Variants in ACADL observed in about 807,000 individuals in gnomAD.
ACADL encodes the protein long-chain specific acyl-CoA dehydrogenase, mitochondrial.
In ACADL, 60 loss-of-function variants were observed where a neutral mutation model predicts 56.9. The observed-to-expected ratio is 1.05, with a 90% CI of 0.86 to 1.31. The LOEUF (loss-of-function observed/expected upper bound fraction) is 1.31, where lower values mean the gene tolerates loss of function less well. ACADL is among the 50% of genes most tolerant of loss of function. The pLI is 0.00. For synonymous variants in ACADL, 158 were observed against 179.7 expected (o/e 0.88, Z 0.97); for missense variants, 484 against 525.5 (o/e 0.92, Z 0.77).
intron 3 of ACADL, chr2:210,217,557 G>T (rs1689106910): frequency 6.3e-6 from 1 of 159,598 alleles, no homozygotes; most frequent in Admixed American, 6.3e-5. Context: ...CTTTTTTGAT[G>T]AATTATTGCT....
intron 10 of ACADL, among the ~76,000 whole-genome samples, chr2:210,190,921 T>TG (rs1239136622): frequency 5.1e-5 from 3 of 59,284 alleles, no homozygotes; most frequent in Non-Finnish European, 1.0e-4. Context: ...TTGTTGTTGT[T>TG]TGTTTTTTTT....
Position 210,210,182 on chromosome 2 carries a change from C to A in ACADL, c.603+14G>T. 6.2e-7 allele frequency: 1 copy of A among 1,600,034 alleles called. No individual in the cohort carries two copies. The highest frequency in any genetic ancestry group is 1.1e-5 in the South Asian group (1 of 90,802). On this transcript the variant is annotated intron_variant, in intron 5 of 10. Transcript: ENST00000233710. ...CTCTGAAAAGAAGGGCTATAGAAGTCCTTTTTTACACACCTTGCTTCCATT... is the reference window on the plus strand; with the variant it reads ...CTCTGAAAAGAAGGGCTATAGAAGTACTTTTTTACACACCTTGCTTCCATT...
At chr2:210,213,383 C>T (rs1250783233) in intron 4 of ACADL, among the ~76,000 whole-genome samples, 1 of 151,964 alleles carries the variant, frequency 6.6e-6, no homozygotes, top group Non-Finnish European at 1.5e-5. Flanking sequence ...GCCTGTAATC[C>T]CAGTTACTTG....
intron 10 of ACADL, 55 bp from the exon 11 acceptor site, chr2:210,189,109 T>G: frequency 7.5e-7 from 1 of 1,337,826 alleles, no homozygotes; most frequent in East Asian, 2.3e-5. Context: ...AACTGTAAAT[T>G]TTGTCTTACC....
intron 5 of ACADL, 111 bp from the exon 6 acceptor site, chr2:210,205,907 G>T: frequency 7.9e-7 from 1 of 1,261,696 alleles, no homozygotes; most frequent in Non-Finnish European, 1.2e-6. Flanking sequence ...AGACATGCTT[G>T]ATACCTCTCT....
rs797000679 is a variant in ACADL, at chr2:210,222,508, CAA to C, written c.78-1708_78-1707del. Among the ~76,000 whole-genome samples, 101 of 81,316 alleles carry C rather than the reference CAA, an allele frequency of 1.2e-3. 1 individual carries two copies. The South Asian group carries it at 0.032, about 26-fold the overall frequency. 53.3% of individuals were successfully genotyped at this position (81,316 alleles called of 152,430 possible). Reference sequence around the variant, plus strand: ...TTGTCACTAAAAACAAACAAACAAACAAAAAAAAAAAAAAAAGGAAAAGAAAA... The same window carrying C: ...TTGTCACTAAAAACAAACAAACAAACAAAAAAAAAAAAAAGGAAAAGAAAA... On this transcript the variant is annotated intron_variant, in intron 1 of 10. Transcript: ENST00000233710.
intron 1 of ACADL, among the ~76,000 whole-genome samples, chr2:210,223,716 T>C (rs1689214967): frequency 6.6e-6 from 1 of 152,210 alleles, no homozygotes; most frequent in Admixed American, 6.5e-5. Flanking sequence ...TTAAGGGAGT[T>C]GTAAAAATGT....
At chr2:210,207,809 C>G (rs1688912855) in intron 5 of ACADL, among the ~76,000 whole-genome samples, 1 of 152,128 alleles carries the variant, frequency 6.6e-6, no homozygotes, top group Non-Finnish European at 1.5e-5. Flanking sequence ...TTATAGGTGA[C>G]ACAATAATAA....
intron 9 of ACADL, among the ~76,000 whole-genome samples, chr2:210,193,966 T>C (rs1688672800): frequency 6.6e-6 from 1 of 152,178 alleles, no homozygotes; most frequent in Admixed American, 6.5e-5. Flanking sequence ...ACAATATAAT[T>C]ATTAATAGAC....
rs1689254989 is a variant in ACADL, at chr2:210,225,283, C to CGGGGCGACG, written c.-29_-21dup. ...GGCCATGTCCGAAACACAGGGGCGG[C>CGGGGCGACG]GGGGCGACGGAGGCGACTCTGCGGC... On this transcript the variant is annotated 5_prime_UTR_variant, in exon 1 of 11. Coordinates refer to ENST00000233710, the MANE Select transcript of ACADL (RefSeq NM_001608.4). 6.5e-7 allele frequency: 1 copy of CGGGGCGACG among 1,546,776 alleles called. No individual in the cohort carries two copies. Among genetic ancestry groups the CGGGGCGACG allele is most frequent in the Admixed American group, 1.9e-5 (1 of 52,452 alleles).
intron 4 of ACADL, among the ~76,000 whole-genome samples, chr2:210,210,757 G>A (rs1201032288): frequency 1.3e-5 from 2 of 152,122 alleles, no homozygotes; most frequent in Admixed American, 6.5e-5. Flanking sequence ...ACCAGCCTGG[G>A]CAACAAAGCT....
At chr2:210,201,130 A>T (rs144810266) in intron 8 of ACADL, among the ~76,000 whole-genome samples, 4 of 152,256 alleles carry the variant, frequency 2.6e-5, no homozygotes, top group Non-Finnish European at 5.9e-5. Flanking sequence ...GGAAGTTCAC[A>T]CTGTTTGCAG....
chr2:210,213,666 C>CT (rs1689026827), intron 4 of ACADL, among the ~76,000 whole-genome samples: 1 of 152,182 alleles, frequency 6.6e-6, no homozygotes, highest in African/African-American at 2.4e-5. Context: ...CAATAATCTT[C>CT]TTCAGTATCA....
At chr2:210,215,107 C>A (rs917062711) in intron 4 of ACADL, among the ~76,000 whole-genome samples, 3 of 152,152 alleles carry the variant, frequency 2.0e-5, no homozygotes, top group Non-Finnish European at 4.4e-5. Flanking sequence ...TCTTTAAGTT[C>A]TTTCTTTGCA....
At chr2:210,211,166 T>C (rs1688971963) in intron 4 of ACADL, among the ~76,000 whole-genome samples, 1 of 152,210 alleles carries the variant, frequency 6.6e-6, no homozygotes, top group African/African-American at 2.4e-5. Context: ...GACATAACTA[T>C]ACATATATAT....
intron 7 of ACADL, among the ~76,000 whole-genome samples, 162 bp from the exon 8 acceptor site, chr2:210,203,606 T>G (rs1310294696): frequency 6.6e-6 from 1 of 152,222 alleles, no homozygotes; most frequent in Non-Finnish European, 1.5e-5. Flanking sequence ...GAGATTCTTT[T>G]GACATATCTC....
At position 210,217,984 on chromosome 2, in the gene ACADL, C is replaced by T; in HGVS notation, c.352G>A (p.Ala118Thr). Residue 118 changes from alanine to threonine, a missense_variant, in exon 3 of 11, where the codon GCT becomes ACT. Physicochemically the swap from Ala to Thr is moderately conservative, Grantham distance 58. Transcript: ENST00000233710. ...ACTTACTGCTCCTCCCAGACAATAGCTGCGGAGTACAGATCCCCTCCAATT... is the reference window on the plus strand; with the variant it reads ...ACTTACTGCTCCTCCCAGACAATAGTTGCGGAGTACAGATCCCCTCCAATT... ...GGIGGDLYSAAIVWEEQAYSN... is the reference protein window; with the variant it reads ...GGIGGDLYSATIVWEEQAYSN... The T allele has an allele frequency of 1.9e-6, 3 of 1,614,028 alleles. No homozygotes were observed. The highest frequency in any genetic ancestry group is 2.5e-6 in the Non-Finnish European group (3 of 1,179,964).
chr2:210,223,434 C>T (rs577949078), intron 1 of ACADL, among the ~76,000 whole-genome samples: 1 of 152,274 alleles, frequency 6.6e-6, no homozygotes, highest in African/African-American at 2.4e-5. Context: ...GTTATAAATA[C>T]ACAATCTCAG....
chr2:210,195,151 T>C, intron 9 of ACADL, 60 bp downstream of exon 9: 1 of 1,608,532 alleles, frequency 6.2e-7, no homozygotes, highest in African/African-American at 1.3e-5. Flanking sequence ...AGCTTAAAAT[T>C]GGCAGAATTC....
Sources: gnomAD v4.1 joint callset for allele counts (sites outside exome capture counted in the v4.1 genomes callset) on GRCh38, gnomAD v4.1.1 for gene constraint, MANE v1.5 for transcripts, NCBI Gene and HGNC (gene_info 2026-07-23, HGNC 2026-07-21) for gene names.